Variants in CHN1 observed in about 807,000 individuals in gnomAD.
CHN1 encodes the protein N-chimaerin.
Under a neutral mutation model 59.5 loss-of-function variants are expected in CHN1, and 37 were observed. The observed-to-expected ratio is 0.62, with a 90% CI of 0.48 to 0.82. The LOEUF (loss-of-function observed/expected upper bound fraction) is 0.82, where lower values mean the gene tolerates loss of function less well. Ranked by LOEUF, CHN1 falls within the 40% of genes least tolerant of loss-of-function variation. CHN1 has a pLI of 0.00. For synonymous variants in CHN1, 206 were observed against 200.4 expected, an observed-to-expected ratio of 1.03 and a Z score of -0.24; for missense variants, 469 against 571.0, an observed-to-expected ratio of 0.82 and a Z score of 1.82.
chr2:174,811,642 A>C, intron 9 of CHN1, 54 bp from the exon 10 acceptor site: 5 of 1,096,372 alleles, frequency 4.6e-6, no homozygotes, highest in Middle Eastern at 4.5e-4. Context: ...TTCAGATTTT[A>C]ACTCCTCACA....
intron 1 of CHN1, among the ~76,000 whole-genome samples, chr2:174,960,876 C>T (rs1690375132): frequency 6.6e-6 from 1 of 152,088 alleles, no homozygotes. Context: ...CCTGTAATGT[C>T]AGCACTTTGG....
At chr2:174,821,155 G>A (rs892226592) in intron 8 of CHN1, among the ~76,000 whole-genome samples, 3 of 152,130 alleles carry the variant, frequency 2.0e-5, no homozygotes, top group Non-Finnish European at 2.9e-5. Context: ...AAATTCTGGA[G>A]GTCAGAAGTT....
intron 1 of CHN1, among the ~76,000 whole-genome samples, chr2:174,984,051 G>T (rs372529579): frequency 6.6e-6 from 1 of 150,846 alleles, no homozygotes; most frequent in South Asian, 2.1e-4. Context: ...ACTGCTCCAC[G>T]CAAGTTTTTT....
chr2:174,897,112 T>C (rs116709223), intron 5 of CHN1, among the ~76,000 whole-genome samples: 268 of 152,306 alleles, frequency 1.8e-3, no homozygotes, highest in African/African-American at 6.2e-3. Flanking sequence ...AATTTGGGTA[T>C]AAAATGCTGG....
intron 1 of CHN1, among the ~76,000 whole-genome samples, chr2:174,989,986 TAAAA>T (rs748123108): frequency 1.3e-5 from 2 of 152,146 alleles, no homozygotes; most frequent in South Asian, 2.1e-4. Context: ...AACCTTTAAC[TAAAA>T]ATTATTTCAA....
At chr2:174,890,943 G>A (rs1021831877) in intron 5 of CHN1, among the ~76,000 whole-genome samples, 1 of 150,388 alleles carries the variant, frequency 6.6e-6, no homozygotes, top group Admixed American at 6.6e-5. Context: ...TAACACGGTA[G>A]GGCTAACACG....
At chr2:174,915,976 T>C (rs1201075113) in intron 4 of CHN1, among the ~76,000 whole-genome samples, 1 of 152,176 alleles carries the variant, frequency 6.6e-6, no homozygotes, top group African/African-American at 2.4e-5. Context: ...CCCCAAAATA[T>C]GCCACTTTGC....
chr2:174,948,518 G>C (rs1057150277), intron 2 of CHN1, among the ~76,000 whole-genome samples: 39 of 152,144 alleles, frequency 2.6e-4, no homozygotes, highest in Non-Finnish European at 3.8e-4. Flanking sequence ...GTTTATATTT[G>C]TAAGACTTCA....
At chr2:174,829,998 C>A (rs559602088) in intron 7 of CHN1, among the ~76,000 whole-genome samples, 1 of 151,952 alleles carries the variant, frequency 6.6e-6, no homozygotes, top group Admixed American at 6.6e-5. Flanking sequence ...CTAATTTGGC[C>A]GGGCGCGGTG....
intron 5 of CHN1, among the ~76,000 whole-genome samples, chr2:174,891,160 A>AAAAAAAAAAAAAAAAAAAC (rs1688037328): frequency 6.7e-6 from 1 of 149,692 alleles, no homozygotes; most frequent in Non-Finnish European, 1.5e-5. Context: ...AAAAAAAAAA[A>AAAAAAAAAAAAAAAAAAAC]AAAAAGAAAA....
chr2:174,824,459 G>A lies in CHN1; in HGVS notation c.687C>T (p.Leu229=), dbSNP rs1685613951. 1.2e-6 allele frequency: 2 copies of A among 1,606,638 alleles called. No homozygotes were observed. Among genetic ancestry groups the A allele is most frequent in the Non-Finnish European group, 1.7e-6 (2 of 1,176,792 alleles). The change falls in exon 8 of 13, where the codon CTC becomes CTT. Residue 229 remains leucine, a synonymous_variant. Transcript: ENST00000409900. ...CTGCACATTTCACTCCCTGAGCAATGAGACCCCACATAAAGTTGGCACAGT... is the reference window on the plus strand; with the variant it reads ...CTGCACATTTCACTCCCTGAGCAATAAGACCCCACATAAAGTTGGCACAGT... ...CEYCANFMWG[L]IAQGVKCADC... is the part of the protein sequence containing the mutation.
intron 5 of CHN1, among the ~76,000 whole-genome samples, chr2:174,901,219 C>G (rs1688380082): frequency 1.3e-5 from 2 of 152,184 alleles, no homozygotes; most frequent in South Asian, 4.1e-4. Context: ...GATGTGCAGC[C>G]TCACTTCTTC....
At chr2:174,821,280 C>A (rs927260407) in intron 8 of CHN1, among the ~76,000 whole-genome samples, 1 of 152,164 alleles carries the variant, frequency 6.6e-6, no homozygotes, top group Non-Finnish European at 1.5e-5. Flanking sequence ...AGACCACCTG[C>A]ATTCCTTGGC....
chr2:174,928,011 T>C (rs528260455), intron 3 of CHN1, among the ~76,000 whole-genome samples: 3 of 152,342 alleles, frequency 2.0e-5, no homozygotes, highest in African/African-American at 7.2e-5. Flanking sequence ...GCATTGTACT[T>C]CAAAATGGCT....
intron 5 of CHN1, among the ~76,000 whole-genome samples, chr2:174,895,288 T>C (rs1688186486): frequency 1.3e-5 from 2 of 151,686 alleles, no homozygotes; most frequent in South Asian, 4.2e-4. Context: ...TTTCATATGC[T>C]ACAACACGGA....
chr2:174,919,387 G>A lies in CHN1; in HGVS notation c.115-822C>T, dbSNP rs115296999. ...AGCTCTCTCTGAGATGACATTTAAA[G>A]TGAGTCCTGAATGACAAGATGCCAA... On this transcript the variant is annotated intron_variant, in intron 3 of 12. Coordinates refer to ENST00000409900, the MANE Select transcript of CHN1 (RefSeq NM_001822.7). Among the ~76,000 whole-genome samples, 458 of 150,756 alleles carry A rather than the reference G, an allele frequency of 3.0e-3. 2 individuals are homozygous for A. Among genetic ancestry groups the A allele is most frequent in the African/African-American group, 0.011 (439 of 40,812 alleles).
intron 7 of CHN1, chr2:174,837,419 A>G (rs533803037): frequency 6.6e-6 from 1 of 152,358 alleles, no homozygotes; most frequent in African/African-American, 2.4e-5. Flanking sequence ...CGTCACCTCT[A>G]ATACAAAAGA....
At chr2:174,824,808 A>C (rs934406169) in intron 7 of CHN1, among the ~76,000 whole-genome samples, 4 of 152,046 alleles carry the variant, frequency 2.6e-5, no homozygotes, top group South Asian at 2.1e-4. Flanking sequence ...ACAGGGTTTT[A>C]CCATGTTGCT....
chr2:174,825,693 C>G (rs1030968498), intron 7 of CHN1, among the ~76,000 whole-genome samples: 11 of 152,112 alleles, frequency 7.2e-5, no homozygotes, highest in African/African-American at 2.4e-4. Context: ...ACATATCTGC[C>G]AAAACCACTA....
Sources: allele counts gnomAD v4.1 joint callset (sites outside exome capture counted in the v4.1 genomes callset), GRCh38; gene constraint gnomAD v4.1.1; transcripts MANE v1.5; gene names NCBI Gene and HGNC (gene_info 2026-07-23, HGNC 2026-07-21).